DMD: variants seen among roughly 807,000 people sequenced by gnomAD.
The protein encoded by DMD is mutant dystrophin.
DMD carries 63 observed loss-of-function variants against 330.1 expected under a neutral mutation model. The observed-to-expected ratio is 0.19, with a 90% CI of 0.16 to 0.24. The LOEUF (loss-of-function observed/expected upper bound fraction) is 0.24, where lower values mean the gene tolerates loss of function less well. DMD is among the 10% of genes least tolerant of loss of function. The pLI is 1.00. For missense variants in DMD, 3,344 were observed against 2,684.1 expected (o/e 1.25, Z -5.43); for synonymous variants, 1,223 against 959.8 (o/e 1.27, Z -5.07).
intron 7 of DMD, among the ~76,000 whole-genome samples, chrX:32,716,864 G>A (rs142522200): frequency 0.054 from 6,046 of 111,469 alleles, 216 homozygotes; most frequent in Admixed American, 0.17. Flanking sequence ...CCCTGCTCTA[G>A]GTATGTGTGG....
At chrX:32,363,522 C>T (rs765352098) in intron 36 of DMD, among the ~76,000 whole-genome samples, 4 of 111,687 alleles carry the variant, frequency 3.6e-5, no homozygotes, top group South Asian at 3.7e-4. Flanking sequence ...CCTGACCTGC[C>T]GGGTCACAGA....
At chrX:31,327,208 A>G (rs1005141305) in intron 61 of DMD, among the ~76,000 whole-genome samples, 1 of 112,309 alleles carries the variant, frequency 8.9e-6, no homozygotes, top group Non-Finnish European at 1.9e-5. Flanking sequence ...ATAGCAAACT[A>G]CACATGCATT....
At chrX:32,682,052 G>T (rs1754733248) in intron 9 of DMD, among the ~76,000 whole-genome samples, 1 of 111,788 alleles carries the variant, frequency 8.9e-6, no homozygotes, top group South Asian at 3.8e-4. Context: ...GGGTAGGAAA[G>T]AAGGTAGGAT....
At chrX:31,303,825 C>G (rs1186623860) in intron 62 of DMD, among the ~76,000 whole-genome samples, 1 of 111,893 alleles carries the variant, frequency 8.9e-6, no homozygotes, top group African/African-American at 3.2e-5. Context: ...CTCTCTCTCT[C>G]TTTTTGTGTT....
In DMD at chrX:31,657,159, G is replaced by A. The variant is rs767492667; in HGVS notation, c.8027+831C>T. Among the ~76,000 whole-genome samples, 12 of 110,886 alleles carry A rather than the reference G, an allele frequency of 1.1e-4. No individual in the cohort carries two copies. In the South Asian group the frequency reaches 4.6e-3, roughly 42 times the overall value. On this transcript the variant is annotated intron_variant, in intron 54 of 78. Coordinates refer to ENST00000357033, the MANE Select transcript of DMD (RefSeq NM_004006.3). ...TTGGAACTCAATTATTTTTCACCGT[G>A]GTCTTCCTCATATTGTACAGGTGCT... is the stretch of plus-strand genomic sequence containing the variant.
chrX:31,705,170 T>A (rs1388227983), intron 52 of DMD, among the ~76,000 whole-genome samples: 1 of 111,844 alleles, frequency 8.9e-6, no homozygotes. Flanking sequence ...GGAGAGTAGA[T>A]TGGAGGGGAG....
chrX:32,424,690 C>G (rs1234422967), intron 29 of DMD, among the ~76,000 whole-genome samples: 2 of 109,912 alleles, frequency 1.8e-5, no homozygotes, highest in Non-Finnish European at 3.8e-5. Context: ...TTCCCTGAGT[C>G]CCCCAAATTA....
chrX:33,250,085 TTATATATA>T (rs560212408), intron 1 of DMD, among the ~76,000 whole-genome samples: 5 of 75,436 alleles, frequency 6.6e-5, no homozygotes, highest in African/African-American at 2.9e-4. Context: ...AAACTATTCA[TTATATATA>T]TATATATATA....
chrX:31,432,802 T>A (rs1042195052), intron 60 of DMD, among the ~76,000 whole-genome samples: 8 of 112,524 alleles, frequency 7.1e-5, no homozygotes, highest in South Asian at 3.6e-4. Context: ...TATTAAAATA[T>A]TCAGTAATTC....
intron 17 of DMD, among the ~76,000 whole-genome samples, chrX:32,532,637 A>T (rs973479701): frequency 6.2e-5 from 7 of 112,646 alleles, no homozygotes; most frequent in Non-Finnish European, 1.1e-4. Flanking sequence ...TACTTGGTAG[A>T]AGCCATATAC....
chrX:31,693,658 G>A (rs1268951298), intron 52 of DMD, among the ~76,000 whole-genome samples: 5 of 111,056 alleles, frequency 4.5e-5, no homozygotes, highest in African/African-American at 1.6e-4. Context: ...GTCTAAAATA[G>A]AAATTAAGGA....
chrX:32,684,012 CAT>C (rs1303497889), intron 9 of DMD, among the ~76,000 whole-genome samples: 52 of 78,506 alleles, frequency 6.6e-4, no homozygotes, highest in African/African-American at 2.9e-3. Flanking sequence ...CACACACACA[CAT>C]ACATACACAC....
chrX:32,926,871 AATAAAG>A lies in DMD; in HGVS notation c.94-77057_94-77052del, dbSNP rs201171364. 6.1e-3 allele frequency among the ~76,000 whole-genome samples: 678 copies of A among 111,399 alleles called. 2 individuals carry two copies. The highest frequency in any genetic ancestry group is 0.02 in the African/African-American group (628 of 30,637). On this transcript the variant is annotated intron_variant, in intron 2 of 78. Transcript: ENST00000357033. The stretch of plus-strand genomic sequence containing the variant: ...ATATTCAAAACAACATGTTGAATGA[AATAAAG>A]ATAAACAATTTTTTCTATCCATTAA...
At chrX:32,590,960 G>C (rs1272174782) in intron 13 of DMD, among the ~76,000 whole-genome samples, 1 of 111,412 alleles carries the variant, frequency 9.0e-6, no homozygotes, top group Non-Finnish European at 1.9e-5. Context: ...CATCCAGTGG[G>C]TTCTGTCCTT....
At chrX:31,358,430 A>T (rs2058770505) in intron 60 of DMD, among the ~76,000 whole-genome samples, 2 of 111,747 alleles carry the variant, frequency 1.8e-5, no homozygotes, top group African/African-American at 6.5e-5. Context: ...AAAATCCATC[A>T]AGATACGTGC....
chrX:32,182,591 C>T (rs1037998742), intron 44 of DMD, among the ~76,000 whole-genome samples: 1 of 111,277 alleles, frequency 9.0e-6, no homozygotes, highest in Non-Finnish European at 1.9e-5. Flanking sequence ...ATTGTTATAA[C>T]CATATATATG....
intron 9 of DMD, among the ~76,000 whole-genome samples, chrX:32,684,143 C>T (rs956288920): frequency 9.3e-6 from 1 of 107,778 alleles, no homozygotes; most frequent in African/African-American, 3.4e-5. Context: ...TAGAGACAAC[C>T]CATATGTATA....
At position 31,620,539 on chromosome X, in the gene DMD, C is replaced by T. The variant is rs773117530; in HGVS notation, c.8217+7134G>A. On this transcript the variant is annotated intron_variant, in intron 55 of 78. Transcript: ENST00000357033. ...AAGCGATTCTCCTGCCTCTGCCTCC[C>T]GAGTAGTTGGGATTACAGGCGTGTG... Among the ~76,000 whole-genome samples the T allele has an allele frequency of 3.7e-5, 4 of 108,706 alleles. No homozygotes were observed. The South Asian group carries it at 1.2e-3, about 33-fold the overall frequency. The allele number at this position is 108,706 out of a possible 115,157, so 94.4% of individuals were successfully genotyped here.
At chrX:33,130,300 G>A (rs1051241219) in intron 1 of DMD, among the ~76,000 whole-genome samples, 4 of 111,649 alleles carry the variant, frequency 3.6e-5, no homozygotes, top group African/African-American at 9.8e-5. Flanking sequence ...ATTCCACAAT[G>A]CACCTTCAAG....
Sources: gnomAD v4.1 joint callset for allele counts (sites outside exome capture counted in the v4.1 genomes callset) on GRCh38, gnomAD v4.1.1 for gene constraint, MANE v1.5 for transcripts, NCBI Gene and HGNC (gene_info 2026-07-23, HGNC 2026-07-21) for gene names.